NCOA1: variants seen among roughly 807,000 people sequenced by gnomAD.
The protein encoded by NCOA1 is Hin-2 protein.
In NCOA1, 35 loss-of-function variants were observed where a neutral mutation model predicts 150.9. The ratio of observed to expected loss-of-function variants is 0.23; its 90% confidence interval spans 0.18 to 0.31. The LOEUF is 0.31. Among genes scored for constraint, NCOA1 ranks in the 10% least tolerant of loss-of-function variants. The pLI, the probability that NCOA1 is intolerant of heterozygous loss-of-function variation, is 1.00. For synonymous variants in NCOA1, 590 were observed against 630.0 expected, an observed-to-expected ratio of 0.94 and a Z score of 0.95; for missense variants, 1,491 against 1,749.3, an observed-to-expected ratio of 0.85 and a Z score of 2.63.
chr2:24,610,848 A>G (rs1668591976), intron 3 of NCOA1, among the ~76,000 whole-genome samples: 1 of 151,516 alleles, frequency 6.6e-6, no homozygotes, highest in South Asian at 2.1e-4. Flanking sequence ...TTGAGTTCAC[A>G]GTGCATTCCT....
At chr2:24,584,928 T>C (rs1667339339) in intron 3 of NCOA1, among the ~76,000 whole-genome samples, 1 of 152,246 alleles carries the variant, frequency 6.6e-6, no homozygotes, top group African/African-American at 2.4e-5. Flanking sequence ...ATATTTTACA[T>C]TGAAGAAACC....
At position 24,620,151 on chromosome 2, in the gene NCOA1, C is replaced by CT. The variant is rs367915091; in HGVS notation, c.-174-23814dup. 7.0e-3 allele frequency among the ~76,000 whole-genome samples: 1,073 copies of CT among 152,282 alleles called. 12 individuals are homozygous for CT. Among genetic ancestry groups the CT allele is most frequent in the African/African-American group, 0.024 (1,012 of 41,554 alleles). On this transcript the variant is annotated intron_variant, in intron 3 of 22. Transcript: ENST00000348332. ...CTTCTCAGCAAGTTCAAAGCCCAAA[C>CT]TAAGACTAAGAAAAGCATGCCTTTG...
In NCOA1 at chr2:24,707,454, G is replaced by A; in HGVS notation, c.1984G>A (p.Gly662Ser). The change falls in exon 13 of 23, where the codon GGC becomes AGC. Residue 662 changes from glycine (G) to serine (S), a missense_variant. This residue lies in a region of NCOA1 where 703 missense variants were observed against 717.7 expected (regional missense o/e 0.98). Coordinates refer to ENST00000348332, the MANE Select transcript of NCOA1 (RefSeq NM_003743.5). ...CTGCAAAGATGTCCTGTCTTGCACAGGCACTTCCAACTCTGCCTCTGCTAA... is the reference window on the plus strand; with the variant it reads ...CTGCAAAGATGTCCTGTCTTGCACAAGCACTTCCAACTCTGCCTCTGCTAA... ...TSCKDVLSCTGTSNSASANSS... is the reference protein window; with the variant it reads ...TSCKDVLSCTSTSNSASANSS... 6.2e-7 allele frequency: 1 copy of A among 1,614,182 alleles called. No homozygotes were observed.
intron 1 of NCOA1, among the ~76,000 whole-genome samples, chr2:24,561,672 A>G (rs1666298092): frequency 6.6e-6 from 1 of 152,172 alleles, no homozygotes; most frequent in Non-Finnish European, 1.5e-5. Context: ...GATAAAAACT[A>G]TAACAGAAGT....
chr2:24,568,418 G>GT (rs965331261), intron 2 of NCOA1, among the ~76,000 whole-genome samples: 3 of 151,952 alleles, frequency 2.0e-5, no homozygotes, highest in Non-Finnish European at 2.9e-5. Context: ...CCCTGCTACA[G>GT]TTTTTTTTCT....
Position 24,770,226 on chromosome 2 carries a change from A to C in NCOA1, c.*1835A>C, listed in dbSNP as rs555476416. The C allele has an allele frequency of 1.3e-5, 3 of 231,256 alleles. No homozygotes were observed. Among genetic ancestry groups the C allele is most frequent in the Non-Finnish European group, 2.6e-5 (3 of 116,622 alleles). 14.3% of individuals were successfully genotyped at this position (231,256 alleles called of 1,614,324 possible). The stretch of plus-strand genomic sequence containing the variant: ...AGCCAGCCATATTACTCTAGTCCCT[A>C]CCAAACTGCTCTAGAAGGTCATTTC... On this transcript the variant is annotated 3_prime_UTR_variant, in exon 23 of 23. Coordinates refer to ENST00000348332, the MANE Select transcript of NCOA1 (RefSeq NM_003743.5).
At chr2:24,566,385 G>A (rs1204298641) in intron 2 of NCOA1, among the ~76,000 whole-genome samples, 1 of 151,824 alleles carries the variant, frequency 6.6e-6, no homozygotes, top group Non-Finnish European at 1.5e-5. Context: ...ACAACTGGTA[G>A]TTCCATTGTG....
intron 17 of NCOA1, among the ~76,000 whole-genome samples, chr2:24,730,752 G>A (rs989613172): frequency 6.6e-6 from 1 of 151,890 alleles, no homozygotes; most frequent in Admixed American, 6.6e-5. Flanking sequence ...TGGGCCGGGC[G>A]TGGTGGCTCA....
intron 22 of NCOA1, chr2:24,767,896 A>T: frequency 3.7e-6 from 2 of 546,580 alleles, no homozygotes; most frequent in Non-Finnish European, 6.5e-6. Flanking sequence ...AAAACCTACC[A>T]CTGGATACCC....
At chr2:24,496,393 T>C (rs1189671442) in intron 1 of NCOA1, among the ~76,000 whole-genome samples, 1 of 152,268 alleles carries the variant, frequency 6.6e-6, no homozygotes, top group Non-Finnish European at 1.5e-5. Context: ...GAAAGTATTA[T>C]GATAATCATA....
chr2:24,637,189 G>A (rs903100844), intron 3 of NCOA1, among the ~76,000 whole-genome samples: 5 of 147,412 alleles, frequency 3.4e-5, no homozygotes, highest in South Asian at 4.3e-4. Context: ...CCATTAACTC[G>A]TCATTTAGCA....
intron 8 of NCOA1, among the ~76,000 whole-genome samples, chr2:24,687,661 C>G (rs1348659126): frequency 6.6e-6 from 1 of 152,086 alleles, no homozygotes; most frequent in Non-Finnish European, 1.5e-5. Context: ...GAGGAACTTC[C>G]AGACGCTTAT....
chr2:24,546,994 C>T (rs972293967), intron 1 of NCOA1, among the ~76,000 whole-genome samples: 1 of 152,148 alleles, frequency 6.6e-6, no homozygotes, highest in Non-Finnish European at 1.5e-5. Context: ...CTGGTCAGAG[C>T]AAGTCACAAG....
intron 10 of NCOA1, among the ~76,000 whole-genome samples, chr2:24,696,780 A>G (rs968068603): frequency 6.6e-6 from 1 of 152,128 alleles, no homozygotes; most frequent in African/African-American, 2.4e-5. Context: ...GGGTGGTGAC[A>G]AGGGAGGAGT....
intron 1 of NCOA1, among the ~76,000 whole-genome samples, chr2:24,494,443 G>A (rs1384163344): frequency 6.6e-6 from 1 of 152,166 alleles, no homozygotes; most frequent in Non-Finnish European, 1.5e-5. Context: ...CTGGCCTTAA[G>A]CCATGTGGCT....
At chr2:24,748,333 C>A (rs191479134) in intron 19 of NCOA1, among the ~76,000 whole-genome samples, 1 of 149,140 alleles carries the variant, frequency 6.7e-6, no homozygotes, top group African/African-American at 2.5e-5. Context: ...CCTATAAGGC[C>A]GGGCGTGGTG....
At chr2:24,635,242 C>G (rs1157505448) in intron 3 of NCOA1, among the ~76,000 whole-genome samples, 2 of 151,980 alleles carry the variant, frequency 1.3e-5, no homozygotes, top group African/African-American at 2.4e-5. Flanking sequence ...TTTTTCACTT[C>G]TGACCATTTG....
chr2:24,571,273 TC>T (rs1572433097), intron 2 of NCOA1, among the ~76,000 whole-genome samples: 1 of 152,134 alleles, frequency 6.6e-6, no homozygotes, highest in Non-Finnish European at 1.5e-5. Flanking sequence ...TTGGAAAAAT[TC>T]CATAGGAAAA....
intron 2 of NCOA1, among the ~76,000 whole-genome samples, chr2:24,571,211 G>A (rs1572433018): frequency 6.6e-6 from 1 of 151,880 alleles, no homozygotes; most frequent in East Asian, 1.9e-4. Context: ...GTGATTTGGG[G>A]GACAGTGCGT....
Sources: allele counts gnomAD v4.1 joint callset (sites outside exome capture counted in the v4.1 genomes callset), GRCh38; gene constraint gnomAD v4.1.1; regional missense constraint gnomAD v4.1.1; transcripts MANE v1.5; gene names NCBI Gene and HGNC (gene_info 2026-07-23, HGNC 2026-07-21).